Variants in PTPN4 observed in about 807,000 individuals in gnomAD.
The protein encoded by PTPN4 is protein tyrosine phosphatase non-receptor type 4, also known as tyrosine-protein phosphatase non-receptor type 4.
A neutral mutation model predicts 135.5 loss-of-function variants in PTPN4; 49 were observed. That is an observed-to-expected ratio of 0.36 (90% CI 0.29 to 0.46). PTPN4 has a LOEUF of 0.46. PTPN4 is among the 20% of genes least tolerant of loss of function. The pLI is 1.00. For missense variants in PTPN4, 860 were observed against 1,101.0 expected (o/e 0.78, Z 3.10); for synonymous variants, 333 against 369.9 (o/e 0.90, Z 1.14).
chr2:119,806,554 C>T (rs1057410472), intron 1 of PTPN4, among the ~76,000 whole-genome samples: 1 of 152,142 alleles, frequency 6.6e-6, no homozygotes, highest in Non-Finnish European at 1.5e-5. Flanking sequence ...GCACCCAATA[C>T]AGGAGCACCG....
chr2:119,809,701 T>C, intron 1 of PTPN4, 136 bp from the exon 2 acceptor site: 1 of 736,612 alleles, frequency 1.4e-6, no homozygotes. Flanking sequence ...CTACAATTCT[T>C]ATTCTGGTGT....
chr2:119,890,223 T>A (rs2105008144), intron 9 of PTPN4, among the ~76,000 whole-genome samples: 1 of 152,258 alleles, frequency 6.6e-6, no homozygotes, highest in East Asian at 1.9e-4. Flanking sequence ...AATAGTTATG[T>A]CCTCTTACTG....
intron 3 of PTPN4, 128 bp from the exon 4 acceptor site, chr2:119,877,195 T>G: frequency 1.1e-6 from 1 of 936,844 alleles, no homozygotes. Context: ...GCAATGATTT[T>G]TTTCCTACCT....
chr2:119,968,877 C>G (rs1162219324), intron 26 of PTPN4, among the ~76,000 whole-genome samples: 2 of 152,134 alleles, frequency 1.3e-5, no homozygotes, highest in Non-Finnish European at 2.9e-5. Context: ...ATTAATTATG[C>G]TTCAGGAGCC....
chr2:119,956,955 G>A, intron 21 of PTPN4, 21 bp downstream of exon 21: 7 of 1,602,410 alleles, frequency 4.4e-6, no homozygotes, highest in East Asian at 2.2e-5. Flanking sequence ...TATTGTCTCT[G>A]TTAAATTTAA....
At chr2:119,822,081 T>G (rs1334250654) in intron 2 of PTPN4, among the ~76,000 whole-genome samples, 2 of 152,166 alleles carry the variant, frequency 1.3e-5, no homozygotes. Context: ...TCCCTAGATT[T>G]GAAGCCACTT....
chr2:119,957,054 T>G lies in PTPN4; in HGVS notation c.2110T>G (p.Tyr704Asp). The part of the protein sequence containing the change: ...TRVILKGNED[Y>D]INANYINMEI... ...GGTCATTTTAAAAGGTAATGAAGAC[T>G]ACATCAATGCGAACTATATAAATGT... The change falls in exon 22 of 27, where the codon TAC (tyrosine) becomes GAC (aspartate). Residue 704 changes from tyrosine (Y) to aspartate (D), a missense_variant. This residue lies in a region of PTPN4 where 176 missense variants were observed against 294.1 expected (regional missense o/e 0.60). Transcript: ENST00000263708. 6.2e-7 allele frequency: 1 copy of G among 1,610,162 alleles called. No individual in the cohort carries two copies. Among genetic ancestry groups the G allele is most frequent in the Non-Finnish European group, 8.5e-7 (1 of 1,178,422 alleles).
rs1679299231 is a variant in PTPN4, at chr2:119,957,089, CTTA to C, written c.2133+17_2133+19del. ...CGAACTATATAAATGTAAGTTTATT[CTTA>C]TTATGCCTTTGCCATTTGGAAAAAT... On this transcript the variant is annotated intron_variant, in intron 22 of 26. Coordinates refer to ENST00000263708, the MANE Select transcript of PTPN4 (RefSeq NM_002830.4). 2 of 1,587,648 alleles carry C rather than the reference CTTA, an allele frequency of 1.3e-6. No individual in the cohort carries two copies. The highest frequency in any genetic ancestry group is 1.7e-6 in the Non-Finnish European group (2 of 1,167,880).
chr2:119,966,959 A>G (rs1469056291), intron 25 of PTPN4, among the ~76,000 whole-genome samples: 1 of 152,180 alleles, frequency 6.6e-6, no homozygotes, highest in African/African-American at 2.4e-5. Context: ...ATCTCTTTAT[A>G]CTTAGACTTT....
At chr2:119,780,360 A>G (rs938330091) in intron 1 of PTPN4, among the ~76,000 whole-genome samples, 1 of 152,168 alleles carries the variant, frequency 6.6e-6, no homozygotes, top group African/African-American at 2.4e-5. Flanking sequence ...CAATAATATT[A>G]CCTAAAACTC....
intron 2 of PTPN4, among the ~76,000 whole-genome samples, chr2:119,861,858 G>T (rs1677764405): frequency 6.6e-6 from 1 of 152,160 alleles, no homozygotes; most frequent in African/African-American, 2.4e-5. Context: ...CTACATGATA[G>T]AATTAGTATG....
intron 26 of PTPN4, among the ~76,000 whole-genome samples, chr2:119,973,659 T>TTG (rs1679570547): frequency 1.2e-5 from 1 of 82,698 alleles, no homozygotes; most frequent in East Asian, 3.0e-4. Flanking sequence ...TTTCTTGTTT[T>TTG]TTTTTTTTTT....
chr2:119,841,070 C>T (rs766933956), intron 2 of PTPN4, among the ~76,000 whole-genome samples: 16 of 151,642 alleles, frequency 1.1e-4, no homozygotes, highest in Admixed American at 2.6e-4. Context: ...TTTCTTTTAG[C>T]TGTGCAGAGC....
chr2:119,826,101 A>T (rs149654842), intron 2 of PTPN4, among the ~76,000 whole-genome samples: 1 of 152,306 alleles, frequency 6.6e-6, no homozygotes, highest in East Asian at 1.9e-4. Flanking sequence ...ATGAGTACAC[A>T]AGATAGTTCT....
intron 15 of PTPN4, among the ~76,000 whole-genome samples, chr2:119,937,676 A>G (rs1679002482): frequency 6.6e-6 from 1 of 152,208 alleles, no homozygotes; most frequent in African/African-American, 2.4e-5. Context: ...ATTTCTAACA[A>G]ACTTTTGCTA....
chr2:119,788,699 G>A (rs371057266), intron 1 of PTPN4, among the ~76,000 whole-genome samples: 4 of 152,104 alleles, frequency 2.6e-5, no homozygotes, highest in South Asian at 2.1e-4. Flanking sequence ...GTTGACTGGC[G>A]TATTTGACTT....
At chr2:119,834,263 T>G (rs911901378) in intron 2 of PTPN4, among the ~76,000 whole-genome samples, 1 of 152,114 alleles carries the variant, frequency 6.6e-6, no homozygotes, top group Non-Finnish European at 1.5e-5. Context: ...AACATTAGTA[T>G]TTCTTCCATC....
rs780296553 is a variant in PTPN4 at position 119,967,928 on chromosome 2, G to A, written c.2650G>A (p.Val884Ile). The A allele has an allele frequency of 2.1e-5, 34 of 1,609,932 alleles. No individual in the cohort carries two copies. In the Admixed American group the frequency reaches 5.2e-4, roughly 24 times the overall value. ...CNQPVYPLDI[V>I]RTMRDQRAMM... ...TCAGCCAGTTTATCCACTAGATATTGTAAGAACAATGAGAGATCAGCGAGC... is the reference window on the plus strand; with the variant it reads ...TCAGCCAGTTTATCCACTAGATATTATAAGAACAATGAGAGATCAGCGAGC... Residue 884 changes from valine (V) to isoleucine (I), a missense_variant, in exon 26 of 27, where the codon GTA (valine) becomes ATA (isoleucine). By Grantham distance (29) the Val-to-Ile change is conservative (BLOSUM62 3). Transcript: ENST00000263708.
At chr2:119,764,070 G>A (rs534822753) in intron 1 of PTPN4, among the ~76,000 whole-genome samples, 1 of 152,140 alleles carries the variant, frequency 6.6e-6, no homozygotes, top group Non-Finnish European at 1.5e-5. Context: ...ATATTCACAA[G>A]CATTATGTCT....
Sources: allele counts gnomAD v4.1 joint callset (sites outside exome capture counted in the v4.1 genomes callset), GRCh38; gene constraint gnomAD v4.1.1; regional missense constraint gnomAD v4.1.1; transcripts MANE v1.5; gene names NCBI Gene and HGNC (gene_info 2026-07-23, HGNC 2026-07-21).